MID1: variants seen among roughly 807,000 people sequenced by gnomAD.
MID1 encodes midline 1, also known as E3 ubiquitin-protein ligase Midline-1.
MID1 carries 7 observed loss-of-function variants against 40.4 expected under a neutral mutation model. The observed-to-expected ratio is 0.17, with a 90% CI of 0.10 to 0.33. The LOEUF is 0.33. MID1 is among the 10% of genes least tolerant of loss of function. The pLI, the probability that MID1 is intolerant of heterozygous loss-of-function variation, is 1.00. For synonymous variants in MID1, 229 were observed against 221.2 expected (o/e 1.04, Z -0.31); for missense variants, 367 against 558.5 (o/e 0.66, Z 3.46).
At chrX:10,497,169 T>G (rs1034323845) in intron 3 of MID1, among the ~76,000 whole-genome samples, 1 of 112,363 alleles carries the variant, frequency 8.9e-6, no homozygotes, top group African/African-American at 3.2e-5. Context: ...TGTTTCCTTT[T>G]GACCTCAAAC....
At position 10,589,096 on chromosome X, in the gene MID1, C is replaced by G. The variant is rs890565351; in HGVS notation, c.-56-21493G>C. On this transcript the variant is annotated intron_variant, in intron 1 of 9. Transcript: ENST00000317552. Reference sequence around the variant, plus strand: ...AAACAAAGAACAGGTAAAAAGGGCACACACACACTTTTGCAGTTTACACCA... The same window carrying G: ...AAACAAAGAACAGGTAAAAAGGGCAGACACACACTTTTGCAGTTTACACCA... 3.6e-5 allele frequency among the ~76,000 whole-genome samples: 4 copies of G among 111,883 alleles called. No individual in the cohort carries two copies. In the Admixed American group the frequency reaches 3.8e-4, roughly 11 times the overall value.
intron 1 of MID1, among the ~76,000 whole-genome samples, chrX:10,593,725 TCA>T (rs1438670821): frequency 3.8e-5 from 4 of 104,332 alleles, no homozygotes; most frequent in Non-Finnish European, 7.8e-5. Context: ...CCACACACTC[TCA>T]CACTCTGTCT....
At chrX:10,637,642 GAA>G (rs1804642146) in intron 1 of MID1, among the ~76,000 whole-genome samples, 1 of 109,112 alleles carries the variant, frequency 9.2e-6, no homozygotes. Flanking sequence ...AAAAAAGAAA[GAA>G]AGAAAGACCT....
intron 1 of MID1, among the ~76,000 whole-genome samples, chrX:10,611,334 T>C (rs1302737723): frequency 8.9e-6 from 1 of 112,043 alleles, no homozygotes; most frequent in African/African-American, 3.2e-5. Context: ...CAGAAAAAAA[T>C]GTGTTCGAAA....
chrX:10,812,257 C>T (rs1368456123), intron 1 of MID1, among the ~76,000 whole-genome samples: 1 of 110,952 alleles, frequency 9.0e-6, no homozygotes, highest in Non-Finnish European at 1.9e-5. Flanking sequence ...TATCTCTAGG[C>T]GACAAAACTT....
At chrX:10,701,300 G>C (rs763651388) in intron 1 of MID1, among the ~76,000 whole-genome samples, 1 of 111,985 alleles carries the variant, frequency 8.9e-6, no homozygotes, top group African/African-American at 3.2e-5. Flanking sequence ...ATGTGCAAAA[G>C]TGGTGAAGCC....
intron 1 of MID1, among the ~76,000 whole-genome samples, chrX:10,800,923 T>C (rs377311640): frequency 1.8e-5 from 2 of 112,201 alleles, no homozygotes; most frequent in African/African-American, 6.5e-5. Flanking sequence ...CCAGCCTAAA[T>C]AGAGATGTAA....
chrX:10,703,708 G>A (rs890085562), intron 1 of MID1, among the ~76,000 whole-genome samples: 1 of 111,920 alleles, frequency 8.9e-6, no homozygotes, highest in Non-Finnish European at 1.9e-5. Context: ...TTTAGCCCTT[G>A]AAGGCAATGT....
intron 1 of MID1, among the ~76,000 whole-genome samples, chrX:10,619,734 G>A (rs1288498149): frequency 2.7e-5 from 3 of 112,428 alleles, no homozygotes; most frequent in Non-Finnish European, 5.6e-5. Flanking sequence ...ACGTCCAGAA[G>A]CAATACAGTT....
intron 3 of MID1, among the ~76,000 whole-genome samples, chrX:10,498,790 C>T (rs1931394600): frequency 8.9e-6 from 1 of 112,498 alleles, no homozygotes; most frequent in African/African-American, 3.2e-5. Flanking sequence ...TTTATCAGTA[C>T]TTCATTCCTT....
intron 1 of MID1, among the ~76,000 whole-genome samples, chrX:10,680,419 G>A (rs2043051167): frequency 8.9e-6 from 1 of 111,808 alleles, no homozygotes; most frequent in Non-Finnish European, 1.9e-5. Context: ...CAAAATTCGT[G>A]TTTGCATAAT....
intron 8 of MID1, among the ~76,000 whole-genome samples, chrX:10,456,884 G>A (rs1242290921): frequency 9.0e-6 from 1 of 111,689 alleles, no homozygotes; most frequent in Non-Finnish European, 1.9e-5. Context: ...AGGGGGAGCA[G>A]AGAAAACCCT....
intron 2 of MID1, among the ~76,000 whole-genome samples, chrX:10,558,836 G>A (rs765062892): frequency 2.7e-5 from 3 of 112,703 alleles, no homozygotes; most frequent in South Asian, 7.3e-4. Flanking sequence ...CAAGAATTAC[G>A]TTTACACAGC....
At chrX:10,751,813 C>T (rs945998304) in intron 1 of MID1, among the ~76,000 whole-genome samples, 6 of 111,912 alleles carry the variant, frequency 5.4e-5, no homozygotes, top group African/African-American at 1.3e-4. Context: ...AATCTCATGC[C>T]GAAATGTGAC....
At chrX:10,656,571 C>T (rs2042874286) in intron 1 of MID1, among the ~76,000 whole-genome samples, 1 of 111,813 alleles carries the variant, frequency 8.9e-6, no homozygotes, top group Non-Finnish European at 1.9e-5. Context: ...CAAATGCCAA[C>T]AGTCAGTTTC....
intron 1 of MID1, among the ~76,000 whole-genome samples, chrX:10,572,550 C>G (rs990230784): frequency 1.9e-5 from 2 of 107,563 alleles, no homozygotes; most frequent in Admixed American, 2.0e-4. Flanking sequence ...GACTCTGTCT[C>G]AAAACAAACA....
chrX:10,810,438 C>T (rs11798374), intron 1 of MID1, among the ~76,000 whole-genome samples: 14 of 111,981 alleles, frequency 1.3e-4, no homozygotes, highest in Non-Finnish European at 2.1e-4. Flanking sequence ...ACTTGGGTTG[C>T]TTTCACTTTT....
chrX:10,479,919 CTG>C (rs1930223609), intron 5 of MID1, among the ~76,000 whole-genome samples: 1 of 111,906 alleles, frequency 8.9e-6, no homozygotes, highest in Non-Finnish European at 1.9e-5. Flanking sequence ...AACCTCCAAA[CTG>C]TTCCTGAACC....
intron 2 of MID1, chrX:10,565,195 G>C: frequency 3.0e-6 from 1 of 331,262 alleles, no homozygotes; most frequent in South Asian, 2.6e-5. Context: ...TCTGTTGTCT[G>C]TGTCACCTGA....
Sources: allele counts gnomAD v4.1 joint callset (sites outside exome capture counted in the v4.1 genomes callset), GRCh38; gene constraint gnomAD v4.1.1; transcripts MANE v1.5; gene names NCBI Gene and HGNC (gene_info 2026-07-23, HGNC 2026-07-21).